The following CERS3 variants were observed in gnomAD, a reference collection of about 807,000 sequenced individuals.
CERS3 encodes the protein ceramide synthase 3.
In CERS3, 33 loss-of-function variants were observed where a neutral mutation model predicts 50.3. The ratio of observed to expected loss-of-function variants is 0.66; its 90% CI spans 0.50 to 0.88. The LOEUF is 0.88. Among genes scored for constraint, CERS3 ranks in the 40% least tolerant of loss-of-function variants. The probability of loss-of-function intolerance (pLI) is 0.00; values close to 1 mark genes in which losing one functional copy is unlikely to be tolerated. For missense variants in CERS3, 470 were observed against 460.3 expected (o/e 1.02, Z -0.19); for synonymous variants, 176 against 155.2 (o/e 1.13, Z -0.99).
At chr15:100,416,989 A>G (rs1158346649) in intron 11 of CERS3, among the ~76,000 whole-genome samples, 1 of 152,202 alleles carries the variant, frequency 6.6e-6, no homozygotes, top group African/African-American at 2.4e-5. Context: ...AAAATCACTA[A>G]TAATTACAGA....
chr15:100,414,819 TA>T (rs143114640), intron 11 of CERS3, among the ~76,000 whole-genome samples: 2,556 of 141,192 alleles, frequency 0.018, 92 homozygotes, highest in African/African-American at 0.063. Context: ...CCAAAATGAT[TA>T]AAAAAAAAAA....
At chr15:100,523,769 A>G (rs2036708004) in intron 1 of CERS3, among the ~76,000 whole-genome samples, 2 of 152,064 alleles carry the variant, frequency 1.3e-5, no homozygotes, top group African/African-American at 4.8e-5. Context: ...TTTGTCATCT[A>G]GAACAATGCT....
At chr15:100,469,566 G>T in intron 9 of CERS3, 82 bp from the exon 10 acceptor site, 1 of 1,000,742 alleles carries the variant, frequency 1.0e-6, no homozygotes, top group Non-Finnish European at 1.5e-6. Context: ...ATGATATGAG[G>T]TCTGGGATTT....
chr15:100,437,459 A>T (rs956495081), intron 11 of CERS3, among the ~76,000 whole-genome samples: 1 of 152,176 alleles, frequency 6.6e-6, no homozygotes, highest in African/African-American at 2.4e-5. Context: ...AATGTGAGTC[A>T]TGAAAGTCAA....
chr15:100,447,916 CACAA>C (rs2034002408), intron 11 of CERS3, among the ~76,000 whole-genome samples: 2 of 152,078 alleles, frequency 1.3e-5, no homozygotes, highest in Non-Finnish European at 2.9e-5. Flanking sequence ...TTCAAAACAA[CACAA>C]ACAAAAAACC....
chr15:100,532,176 G>A (rs950025134), upstream of CERS3, among the ~76,000 whole-genome samples: 1 of 152,204 alleles, frequency 6.6e-6, no homozygotes, highest in African/African-American at 2.4e-5. Context: ...TTGCATGGGT[G>A]TAGATGGGGA....
rs969447387 is a variant in CERS3 at position 100,503,865 on chromosome 15, G to A, written c.-1-2015C>T. ...TAACGCCATCTGTGGGATGCAAATC[G>A]GGTAGAGGATAAAGTGAGCCCCAGA... On this transcript the variant is annotated intron_variant, in intron 2 of 11. Coordinates refer to ENST00000679737, the MANE Select transcript of CERS3 (RefSeq NM_001378789.1). 2.4e-5 allele frequency: 10 copies of A among 418,060 alleles called. 1 individual carries two copies. The highest frequency in any genetic ancestry group is 8.1e-5 in the African/African-American group (4 of 49,122). The allele number at this position is 418,060 out of a possible 1,614,324, so 25.9% of individuals were successfully genotyped here.
At chr15:100,541,983 T>C (rs1271499077) in intron 1 of CERS3, among the ~76,000 whole-genome samples, 1 of 152,198 alleles carries the variant, frequency 6.6e-6, no homozygotes, top group Non-Finnish European at 1.5e-5. Context: ...AGAGGATAAA[T>C]GGTACACCAG....
chr15:100,505,045 GT>G (rs1393388773), intron 2 of CERS3, among the ~76,000 whole-genome samples: 1 of 152,138 alleles, frequency 6.6e-6, no homozygotes, highest in Non-Finnish European at 1.5e-5. Context: ...CCAGGTCTGT[GT>G]TCCTCAACTG....
intron 5 of CERS3, 78 bp downstream of exon 5, chr15:100,484,472 G>A (rs1259116356): frequency 4.1e-5 from 41 of 988,860 alleles, no homozygotes; most frequent in Admixed American, 1.4e-4. Context: ...CTGCTGCTCC[G>A]GCAGTATTCT....
At chr15:100,425,815 T>G (rs2585215) in intron 11 of CERS3, among the ~76,000 whole-genome samples, 4 of 152,060 alleles carry the variant, frequency 2.6e-5, no homozygotes, top group Non-Finnish European at 4.4e-5. Context: ...TGTCCCCACC[T>G]AAATCTCATG....
chr15:100,442,752 C>T (rs1279421455), intron 11 of CERS3, among the ~76,000 whole-genome samples: 12 of 152,360 alleles, frequency 7.9e-5, no homozygotes, highest in South Asian at 6.2e-4. Flanking sequence ...CTCGGCTTAG[C>T]AGCTGAAGAC....
intron 11 of CERS3, among the ~76,000 whole-genome samples, chr15:100,440,502 C>T (rs1195700944): frequency 6.6e-6 from 1 of 152,246 alleles, no homozygotes. Flanking sequence ...TATCTCCCTT[C>T]ACTGACTCTC....
intron 2 of CERS3, among the ~76,000 whole-genome samples, chr15:100,516,772 G>A (rs2036501851): frequency 6.6e-6 from 1 of 152,170 alleles, no homozygotes; most frequent in Non-Finnish European, 1.5e-5. Flanking sequence ...TACCAACTGT[G>A]CTAAGTAAAA....
intron 10 of CERS3, among the ~76,000 whole-genome samples, chr15:100,458,403 G>A (rs2034443600): frequency 1.3e-5 from 2 of 151,950 alleles, no homozygotes; most frequent in Admixed American, 1.3e-4. Context: ...TGACCAACAT[G>A]GTGAAACCCC....
At chr15:100,482,042 C>T (rs182393265) in intron 5 of CERS3, among the ~76,000 whole-genome samples, 152 of 152,192 alleles carry the variant, frequency 1.0e-3, no homozygotes, top group Middle Eastern at 3.4e-3. Flanking sequence ...CAGTAAATAC[C>T]AATAGGTATA....
chr15:100,417,818 C>T (rs1035400547), intron 11 of CERS3, among the ~76,000 whole-genome samples: 3 of 151,982 alleles, frequency 2.0e-5, no homozygotes, highest in African/African-American at 7.3e-5. Flanking sequence ...CCAGCAAGGG[C>T]ACACTGACAC....
chr15:100,433,068 C>G (rs1243985657), intron 11 of CERS3, among the ~76,000 whole-genome samples: 2 of 152,002 alleles, frequency 1.3e-5, no homozygotes, highest in Non-Finnish European at 2.9e-5. Flanking sequence ...AACCCCATCT[C>G]TACTAAAAAT....
At chr15:100,443,376 C>T (rs1034181886) in intron 11 of CERS3, among the ~76,000 whole-genome samples, 1 of 149,696 alleles carries the variant, frequency 6.7e-6, no homozygotes, top group African/African-American at 2.5e-5. Context: ...CCTTACAATT[C>T]CCCCATTTCA....
Sources: gnomAD v4.1 joint callset for allele counts (sites outside exome capture counted in the v4.1 genomes callset) on GRCh38, gnomAD v4.1.1 for gene constraint, MANE v1.5 for transcripts, NCBI Gene and HGNC (gene_info 2026-07-23, HGNC 2026-07-21) for gene names.